Variants in ERC1 observed in about 807,000 individuals in gnomAD.
ERC1 encodes the protein RAB6 interacting protein 2.
ERC1 carries 56 observed loss-of-function variants against 132.0 expected under a neutral mutation model. That is an observed-to-expected ratio of 0.42 (90% CI 0.34 to 0.53). The LOEUF is 0.53. Among genes scored for constraint, ERC1 ranks in the 20% least tolerant of loss-of-function variants. The probability of loss-of-function intolerance (pLI) is 0.03; values close to 1 mark genes in which losing one functional copy is unlikely to be tolerated. For missense variants in ERC1, 1,202 were observed against 1,349.9 expected, an observed-to-expected ratio of 0.89 and a Z score of 1.72; for synonymous variants, 478 against 476.1, an observed-to-expected ratio of 1.00 and a Z score of -0.05.
intron 18 of ERC1, among the ~76,000 whole-genome samples, chr12:1,466,843 T>C (rs912892528): frequency 4.6e-5 from 7 of 152,210 alleles, no homozygotes; most frequent in Non-Finnish European, 7.3e-5. Context: ...TCAGGAATTT[T>C]CCGGAGATAA....
intron 12 of ERC1, among the ~76,000 whole-genome samples, chr12:1,223,397 T>C (rs2074320174): frequency 6.6e-6 from 1 of 152,218 alleles, no homozygotes; most frequent in Non-Finnish European, 1.5e-5. Context: ...TTTCTTAACA[T>C]TGTGCATTTA....
At chr12:1,423,527 T>C (rs1448395573) in intron 17 of ERC1, among the ~76,000 whole-genome samples, 3 of 152,244 alleles carry the variant, frequency 2.0e-5, no homozygotes, top group Non-Finnish European at 4.4e-5. Flanking sequence ...TAACTTGTGC[T>C]CTTAAAGGAA....
At chr12:1,360,451 A>G (rs1410763653) in intron 15 of ERC1, among the ~76,000 whole-genome samples, 1 of 152,198 alleles carries the variant, frequency 6.6e-6, no homozygotes, top group African/African-American at 2.4e-5. Flanking sequence ...TTTTCTTGGA[A>G]ATTGCTTTCA....
chr12:1,149,827 A>G (rs557287660), intron 8 of ERC1, among the ~76,000 whole-genome samples: 1 of 152,302 alleles, frequency 6.6e-6, no homozygotes, highest in South Asian at 2.1e-4. Context: ...AAGACTTCAG[A>G]TTGAATATTA....
At chr12:1,152,023 A>G (rs1950882600) in intron 8 of ERC1, 1 of 152,200 alleles carries the variant, frequency 6.6e-6, no homozygotes, top group African/African-American at 2.4e-5. Flanking sequence ...ACATGGTGAA[A>G]CCCTGTCTCT....
chr12:1,374,479 G>GA lies in ERC1; in HGVS notation c.2925+2509dup, dbSNP rs546509859. On this transcript the variant is annotated intron_variant, in intron 16 of 18. Coordinates refer to ENST00000360905, the MANE Select transcript of ERC1 (RefSeq NM_178040.4). The stretch of plus-strand genomic sequence containing the variant: ...ATCAGAGGAAGGGGCCAGGGCCAGT[G>GA]AAAAAAATAAACTAAGGCTGTCTAA... Among the ~76,000 whole-genome samples, 10 of 152,206 alleles carry GA rather than the reference G, an allele frequency of 6.6e-5. No homozygotes were observed. The East Asian group carries it at 1.4e-3, about 21-fold the overall frequency.
chr12:1,082,367 G>A (rs1942330242), intron 2 of ERC1, among the ~76,000 whole-genome samples: 1 of 151,470 alleles, frequency 6.6e-6, no homozygotes, highest in African/African-American at 2.4e-5. Flanking sequence ...TATCATGTTG[G>A]CCAGGCTGGT....
rs1566758013 is a variant in ERC1, at chr12:1,394,042, AAACCACAAAG to A, written c.2926-14106_2926-14097del. On this transcript the variant is annotated intron_variant, in intron 16 of 18. Transcript: ENST00000360905. ...AAAAAAAAAAAAAAAAACAAAAAAA[AAACCACAAAG>A]CATTAAGCAATTTAATTTCTGTATA... is the stretch of plus-strand genomic sequence containing the variant. Among the ~76,000 whole-genome samples the A allele has an allele frequency of 1.2e-4, 9 of 76,382 alleles. 2 individuals are homozygous for A. In the South Asian group the frequency reaches 1.3e-3, roughly 11 times the overall value. 50.1% of individuals were successfully genotyped at this position (76,382 alleles called of 152,430 possible).
chr12:1,371,748 T>C lies in ERC1; in HGVS notation c.2781-85T>C, dbSNP rs141632116. 4,315 of 1,451,964 alleles carry C rather than the reference T, an allele frequency of 3.0e-3. 123 individuals carry two copies. The African/African-American group carries it at 0.05, about 17-fold the overall frequency. 89.9% of individuals were successfully genotyped at this position (1,451,964 alleles called of 1,614,324 possible). ...GTTTGCTTTCTTGGTTTTATTACCCTCAAAATGGGGGTACTGGTAATAGTA... is the reference window on the plus strand; with the variant it reads ...GTTTGCTTTCTTGGTTTTATTACCCCCAAAATGGGGGTACTGGTAATAGTA... On this transcript the variant is annotated intron_variant, in intron 15 of 18. Transcript: ENST00000360905.
At chr12:1,398,772 C>T (rs1356917455) in intron 16 of ERC1, among the ~76,000 whole-genome samples, 2 of 152,070 alleles carry the variant, frequency 1.3e-5, no homozygotes, top group Non-Finnish European at 2.9e-5. Flanking sequence ...CTGGTAAGGG[C>T]CGCTTTTGAC....
intron 15 of ERC1, among the ~76,000 whole-genome samples, chr12:1,354,419 A>G (rs1477022189): frequency 6.6e-6 from 1 of 151,998 alleles, no homozygotes; most frequent in Non-Finnish European, 1.5e-5. Flanking sequence ...GCTACTCAGG[A>G]GGCTGAGGCA....
At chr12:1,165,836 A>G (rs1215978250) in intron 8 of ERC1, among the ~76,000 whole-genome samples, 1 of 152,192 alleles carries the variant, frequency 6.6e-6, no homozygotes, top group Non-Finnish European at 1.5e-5. Context: ...AAAATTTACC[A>G]TTTTAAACTA....
At chr12:1,111,890 G>T (rs1264486628) in intron 5 of ERC1, among the ~76,000 whole-genome samples, 1 of 152,042 alleles carries the variant, frequency 6.6e-6, no homozygotes, top group Non-Finnish European at 1.5e-5. Flanking sequence ...ATAATCATAG[G>T]TGTGAGCTGC....
chr12:1,080,668 T>C (rs1362122728), intron 2 of ERC1, among the ~76,000 whole-genome samples: 1 of 152,002 alleles, frequency 6.6e-6, no homozygotes, highest in Admixed American at 6.6e-5. Context: ...TATCAGGGGG[T>C]TCCGCTTTTG....
intron 1 of ERC1, among the ~76,000 whole-genome samples, chr12:1,014,747 TA>T (rs1222966151): frequency 6.6e-6 from 1 of 152,066 alleles, no homozygotes; most frequent in Non-Finnish European, 1.5e-5. Flanking sequence ...GATATTTACT[TA>T]ATTTTTTTTT....
At chr12:1,333,869 A>G (rs536531840) in intron 15 of ERC1, among the ~76,000 whole-genome samples, 1 of 152,182 alleles carries the variant, frequency 6.6e-6, no homozygotes, top group Non-Finnish European at 1.5e-5. Flanking sequence ...CACTCCCGCC[A>G]ACAATGTATA....
At chr12:1,241,937 C>T (rs1256773581) in intron 13 of ERC1, among the ~76,000 whole-genome samples, 3 of 140,866 alleles carry the variant, frequency 2.1e-5, no homozygotes, top group South Asian at 4.5e-4. Flanking sequence ...CGGTTTGCTG[C>T]AACCTTCACC....
chr12:1,483,418 A>G (rs1234387247), intron 18 of ERC1, among the ~76,000 whole-genome samples: 1 of 152,248 alleles, frequency 6.6e-6, no homozygotes, highest in African/African-American at 2.4e-5. Flanking sequence ...ACGTGTCAGA[A>G]CTTCGTTCCT....
chr12:1,067,232 A>T (rs1255087791), intron 2 of ERC1, among the ~76,000 whole-genome samples: 1 of 152,226 alleles, frequency 6.6e-6, no homozygotes, highest in Admixed American at 6.5e-5. Context: ...TTTTTTAACA[A>T]GCCAGTTTGA....
Sources: gnomAD v4.1 joint callset for allele counts (sites outside exome capture counted in the v4.1 genomes callset) on GRCh38, gnomAD v4.1.1 for gene constraint, MANE v1.5 for transcripts, NCBI Gene and HGNC (gene_info 2026-07-23, HGNC 2026-07-21) for gene names.